CREB5: variants seen among roughly 807,000 people sequenced by gnomAD.
CREB5 encodes the protein cyclic AMP-responsive element-binding protein 5.
Under a neutral mutation model 57.1 loss-of-function variants are expected in CREB5, and 19 were observed. That is an observed-to-expected ratio of 0.33 (90% CI 0.23 to 0.49). The LOEUF (loss-of-function observed/expected upper bound fraction) is 0.49. Among genes scored for constraint, CREB5 ranks in the 20% least tolerant of loss-of-function variants. CREB5 has a pLI of 0.99. For synonymous variants in CREB5, 238 were observed against 238.3 expected (o/e 1.00, Z 0.01); for missense variants, 579 against 671.6 (o/e 0.86, Z 1.52).
At chr7:28,560,945 T>TGCGTGCGTGCGTGCGCGTGC (rs74219241) in intron 4 of CREB5, among the ~76,000 whole-genome samples, 1 of 23,776 alleles carries the variant, frequency 4.2e-5, no homozygotes, top group African/African-American at 1.4e-4. Context: ...TGCGTGCGTG[T>TGCGTGCGTGCGTGCGCGTGC]GTGTGCGTGT....
intron 1 of CREB5, among the ~76,000 whole-genome samples, chr7:28,349,645 T>G (rs17642145): frequency 6.6e-6 from 1 of 152,072 alleles, no homozygotes; most frequent in African/African-American, 2.4e-5. Context: ...TATATAGACT[T>G]TTAACCTATG....
At chr7:28,768,323 A>T (rs1046182633) in intron 7 of CREB5, among the ~76,000 whole-genome samples, 61 of 152,230 alleles carry the variant, frequency 4.0e-4, no homozygotes, top group African/African-American at 1.5e-3. Flanking sequence ...CTTACACCCA[A>T]TGCTTTCATC....
At chr7:28,611,837 AT>A (rs1247064737) in intron 5 of CREB5, among the ~76,000 whole-genome samples, 1 of 152,098 alleles carries the variant, frequency 6.6e-6, no homozygotes, top group Non-Finnish European at 1.5e-5. Flanking sequence ...GGCTGTATGC[AT>A]TTGCCAAATC....
At chr7:28,327,524 T>C (rs1785632148) in intron 1 of CREB5, among the ~76,000 whole-genome samples, 2 of 152,240 alleles carry the variant, frequency 1.3e-5, no homozygotes, top group African/African-American at 4.8e-5. Flanking sequence ...ATATAACTCA[T>C]CTTCTGCTGT....
intron 1 of CREB5, among the ~76,000 whole-genome samples, chr7:28,334,634 C>T (rs181712146): frequency 6.6e-6 from 1 of 152,270 alleles, no homozygotes; most frequent in African/African-American, 2.4e-5. Context: ...AATATTTTCT[C>T]CCATTCTGTG....
At chr7:28,658,715 A>G (rs1168586435) in intron 5 of CREB5, among the ~76,000 whole-genome samples, 1 of 151,930 alleles carries the variant, frequency 6.6e-6, no homozygotes, top group East Asian at 1.9e-4. Flanking sequence ...TGATCAAATC[A>G]AGGGGTGATG....
intron 1 of CREB5, among the ~76,000 whole-genome samples, chr7:28,343,934 T>C (rs1162272119): frequency 6.6e-6 from 1 of 152,258 alleles, no homozygotes; most frequent in Non-Finnish European, 1.5e-5. Flanking sequence ...GGTTTTTATT[T>C]GCATTTCCCT....
chr7:28,311,920 A>G (rs1583662674), intron 1 of CREB5, among the ~76,000 whole-genome samples: 1 of 152,248 alleles, frequency 6.6e-6, no homozygotes, highest in East Asian at 1.9e-4. Context: ...GGCTCCTCCC[A>G]TAGGCCCTTT....
intron 7 of CREB5, among the ~76,000 whole-genome samples, chr7:28,789,524 C>A (rs1389035526): frequency 6.6e-6 from 1 of 152,160 alleles, no homozygotes; most frequent in Non-Finnish European, 1.5e-5. Context: ...CTTATCAGCA[C>A]TCTATAAAAT....
chr7:28,624,542 A>G lies in CREB5; in HGVS notation c.464+54005A>G, dbSNP rs1286565082. On this transcript the variant is annotated intron_variant, in intron 5 of 10. Transcript: ENST00000357727. ...AAAGATTAACAGGCTGTGTACAAAA[A>G]GAGGGTCTATCTGGCTCCTTCTTTA... Among the ~76,000 whole-genome samples the G allele has an allele frequency of 3.3e-5, 5 of 152,166 alleles. No homozygotes were observed. The East Asian group carries it at 9.6e-4, about 29-fold the overall frequency.
At chr7:28,324,120 G>A (rs745524577) in intron 1 of CREB5, among the ~76,000 whole-genome samples, 1 of 152,168 alleles carries the variant, frequency 6.6e-6, no homozygotes, top group Non-Finnish European at 1.5e-5. Flanking sequence ...GTCCCCTATG[G>A]GGGTTGAGGA....
rs1462954077 is a variant in CREB5, at chr7:28,823,912, T to C, written c.*4633T>C. On this transcript the variant is annotated 3_prime_UTR_variant, in exon 11 of 11. Coordinates refer to ENST00000357727, the MANE Select transcript of CREB5 (RefSeq NM_182898.4). ...CGTGCCTATGCGAACAGTAGCAATT[T>C]AGAATCTCTTTTCTGCTTTTAAAAT... The C allele has an allele frequency of 6.6e-6, 1 of 152,654 alleles. No homozygotes were observed. The highest frequency in any genetic ancestry group is 1.5e-5 in the Non-Finnish European group (1 of 68,042). The allele number at this position is 152,654 out of a possible 1,614,324, so 9.5% of individuals were successfully genotyped here. A position where few individuals can be genotyped will look rare whatever the true frequency, so the allele number is the denominator to read the frequency against.
chr7:28,386,702 C>A (rs1787111576), intron 1 of CREB5, among the ~76,000 whole-genome samples: 1 of 152,176 alleles, frequency 6.6e-6, no homozygotes, highest in Admixed American at 6.5e-5. Context: ...GTTACCATTA[C>A]TTTGTTTCCC....
intron 5 of CREB5, among the ~76,000 whole-genome samples, chr7:28,570,917 C>T (rs978046758): frequency 6.6e-6 from 1 of 152,040 alleles, no homozygotes; most frequent in Non-Finnish European, 1.5e-5. Context: ...AGAGTGTGCC[C>T]TTCCCTTCCT....
At chr7:28,589,637 C>T (rs1488346115) in intron 5 of CREB5, among the ~76,000 whole-genome samples, 3 of 152,146 alleles carry the variant, frequency 2.0e-5, no homozygotes, top group Non-Finnish European at 2.9e-5. Context: ...TAGCGAAATG[C>T]ATAAATCTTG....
intron 8 of CREB5, among the ~76,000 whole-genome samples, chr7:28,806,820 T>C (rs1275727828): frequency 6.6e-6 from 1 of 152,198 alleles, no homozygotes; most frequent in Non-Finnish European, 1.5e-5. Context: ...GGATACAGAA[T>C]TGAAAGATAA....
At chr7:28,409,409 CT>C (rs1787671962), upstream of CREB5, 1 of 156,058 alleles carries the variant, frequency 6.4e-6, no homozygotes, top group Admixed American at 6.5e-5. This position sits in a 1 kb window ranked among gnomAD's most constrained non-coding sequence, Gnocchi z 4.4. Flanking sequence ...CTCTTGCCTT[CT>C]CCACACTTGT....
chr7:28,328,045 GC>G (rs1195098728), intron 1 of CREB5, among the ~76,000 whole-genome samples: 2 of 135,134 alleles, frequency 1.5e-5, no homozygotes, highest in East Asian at 4.3e-4. Flanking sequence ...CGGTTTTCAA[GC>G]CTGCTGTTTA....
At chr7:28,695,247 C>T (rs1801487696) in intron 5 of CREB5, among the ~76,000 whole-genome samples, 2 of 152,032 alleles carry the variant, frequency 1.3e-5, no homozygotes, top group African/African-American at 4.8e-5. Context: ...CTGAAGCCAT[C>T]CAAAAATGTG....
Sources: allele counts gnomAD v4.1 joint callset (sites outside exome capture counted in the v4.1 genomes callset), GRCh38; gene constraint gnomAD v4.1.1; non-coding constraint Gnocchi (gnomAD v3.1); transcripts MANE v1.5; gene names NCBI Gene and HGNC (gene_info 2026-07-23, HGNC 2026-07-21).